The following GNG2 variants were observed in gnomAD, a reference collection of about 807,000 sequenced individuals.
The protein encoded by GNG2 is G protein subunit gamma 2.
A neutral mutation model predicts 5.5 loss-of-function variants in GNG2; 5 were observed. The observed-to-expected ratio is 0.91, with a 90% CI of 0.48 to 1.92. The LOEUF (loss-of-function observed/expected upper bound fraction) is 1.92, where lower values mean the gene tolerates loss of function less well. GNG2 is among the 30% of genes most tolerant of loss of function. The probability of loss-of-function intolerance (pLI) is 0.01; values close to 1 mark genes in which losing one functional copy is unlikely to be tolerated. For synonymous variants in GNG2, 28 were observed against 32.0 expected (o/e 0.88, Z 0.42); for missense variants, 55 against 88.4 (o/e 0.62, Z 1.52).
intron 2 of GNG2, among the ~76,000 whole-genome samples, chr14:51,925,610 T>C (rs940162529): frequency 3.3e-5 from 5 of 152,104 alleles, no homozygotes; most frequent in Admixed American, 3.3e-4. Flanking sequence ...ATTGAAGTCT[T>C]TTCTTTTATA....
chr14:51,946,727 C>T (rs78742879), intron 2 of GNG2, among the ~76,000 whole-genome samples: 1,776 of 152,286 alleles, frequency 0.012, 40 homozygotes, highest in African/African-American at 0.04. Context: ...ATTTTAGCTT[C>T]TGGCCTGTGG....
chr14:51,939,380 C>G (rs1007839557), intron 2 of GNG2, among the ~76,000 whole-genome samples: 2 of 152,172 alleles, frequency 1.3e-5, no homozygotes, highest in Non-Finnish European at 2.9e-5. Flanking sequence ...AAACAGCTAA[C>G]CAATGACCCT....
At chr14:51,923,209 T>C (rs1887118812) in intron 2 of GNG2, among the ~76,000 whole-genome samples, 1 of 152,176 alleles carries the variant, frequency 6.6e-6, no homozygotes, top group Non-Finnish European at 1.5e-5. Context: ...GTGTTGCCCT[T>C]TCTGTTGGAA....
intron 2 of GNG2, among the ~76,000 whole-genome samples, chr14:51,925,376 T>G (rs930288022): frequency 3.3e-5 from 5 of 152,242 alleles, no homozygotes; most frequent in Non-Finnish European, 7.3e-5. Flanking sequence ...TTTAAGTAAC[T>G]TGACCACTTA....
At chr14:51,918,608 A>G (rs1376919433) in intron 2 of GNG2, 2 of 151,518 alleles carry the variant, frequency 1.3e-5, no homozygotes, top group African/African-American at 4.9e-5. Flanking sequence ...AAAAAAATAA[A>G]CTAACTTATA....
intron 2 of GNG2, among the ~76,000 whole-genome samples, chr14:51,912,365 T>A (rs1289074806): frequency 1.3e-5 from 2 of 152,038 alleles, no homozygotes; most frequent in Non-Finnish European, 2.9e-5. Flanking sequence ...ACCCCCAAAA[T>A]CCCTTAATTC....
At chr14:51,844,077 C>T (rs759805880) in intron 2 of GNG2, among the ~76,000 whole-genome samples, 4 of 152,234 alleles carry the variant, frequency 2.6e-5, no homozygotes, top group Non-Finnish European at 4.4e-5. Context: ...CTGCTCCTTC[C>T]TACTTTGTTC....
At chr14:51,912,041 G>A (rs1157775211) in intron 2 of GNG2, among the ~76,000 whole-genome samples, 2 of 148,004 alleles carry the variant, frequency 1.4e-5, no homozygotes, top group African/African-American at 5.1e-5. Flanking sequence ...ATGTGGTGGT[G>A]TTATCATCCC....
intron 3 of GNG2, among the ~76,000 whole-genome samples, chr14:51,961,151 C>T (rs1323965514): frequency 6.6e-6 from 1 of 152,154 alleles, no homozygotes; most frequent in Non-Finnish European, 1.5e-5. Flanking sequence ...TGCCTATTGT[C>T]TAAAAGTTAA....
In GNG2 at chr14:51,874,311, G is replaced by A. The variant is rs538105489; in HGVS notation, c.-70-3306G>A. 2.0e-5 allele frequency among the ~76,000 whole-genome samples: 3 copies of A among 151,758 alleles called. No homozygotes were observed. The East Asian group carries it at 5.8e-4, about 29-fold the overall frequency. ...GTGGTGGTGGGCGCCTGTACTCCCA[G>A]CTACTTGGGAAGCTGAGGCAGGAGA... On this transcript the variant is annotated intron_variant, in intron 1 of 3. Transcript: ENST00000556766.
intron 2 of GNG2, among the ~76,000 whole-genome samples, chr14:51,944,591 C>T (rs112659656): frequency 6.6e-6 from 1 of 152,164 alleles, no homozygotes; most frequent in Non-Finnish European, 1.5e-5. Context: ...GATGGAAAAA[C>T]TGGATATCCA....
At chr14:51,953,315 A>G (rs906275168) in intron 3 of GNG2, among the ~76,000 whole-genome samples, 104 of 152,180 alleles carry the variant, frequency 6.8e-4, no homozygotes, top group African/African-American at 2.5e-3. Context: ...ATAGACAAAA[A>G]CATGATTCTT....
chr14:51,953,820 C>T (rs897924647), intron 3 of GNG2, among the ~76,000 whole-genome samples: 1 of 152,146 alleles, frequency 6.6e-6, no homozygotes, highest in South Asian at 2.1e-4. Flanking sequence ...ACCTACTTTC[C>T]ATACATGATC....
chr14:51,966,901 G>A lies in GNG2; in HGVS notation c.*214G>A. On this transcript the variant is annotated 3_prime_UTR_variant, in exon 4 of 4. Transcript: ENST00000556766. ...TTAAGAGATCTGATTCTGACGAACTGCCTGGAGGAGGGGAATATATAAAAA... is the reference window on the plus strand; with the variant it reads ...TTAAGAGATCTGATTCTGACGAACTACCTGGAGGAGGGGAATATATAAAAA... The A allele has an allele frequency of 2.9e-6, 1 of 340,258 alleles. No homozygotes were observed. The highest frequency in any genetic ancestry group is 6.8e-5 in the South Asian group (1 of 14,728). 21.1% of individuals were successfully genotyped at this position (340,258 alleles called of 1,614,324 possible).
At chr14:51,951,939 T>C in intron 3 of GNG2, 1 of 700,030 alleles carries the variant, frequency 1.4e-6, no homozygotes, top group Non-Finnish European at 2.6e-6. Flanking sequence ...ATCTGTGCGT[T>C]CCCAACACCC....
At chr14:51,885,966 T>G (rs2140150045) in intron 2 of GNG2, among the ~76,000 whole-genome samples, 1 of 152,306 alleles carries the variant, frequency 6.6e-6, no homozygotes, top group East Asian at 1.9e-4. Flanking sequence ...TTTATAGCAT[T>G]TTTCACTATA....
intron 2 of GNG2, among the ~76,000 whole-genome samples, chr14:51,836,195 C>G (rs2748131): frequency 0.9 from 136,803 of 151,804 alleles, 62,412 homozygotes; most frequent in Non-Finnish European, 0.98. Flanking sequence ...ATTCAGGAAG[C>G]GTCCACCCTC....
At chr14:51,856,848 A>T (rs768705338), upstream of GNG2, among the ~76,000 whole-genome samples, 5 of 152,222 alleles carry the variant, frequency 3.3e-5, no homozygotes, top group African/African-American at 9.6e-5. Context: ...CCATATAACA[A>T]ATATTCAGAA....
At chr14:51,827,549 T>A in intron 1 of GNG2, 1 of 585,052 alleles carries the variant, frequency 1.7e-6, no homozygotes, top group Admixed American at 3.1e-5. Flanking sequence ...GGAGTGGTAT[T>A]TTTTGATGTC....
Sources: allele counts gnomAD v4.1 joint callset (sites outside exome capture counted in the v4.1 genomes callset), GRCh38; gene constraint gnomAD v4.1.1; transcripts MANE v1.5; gene names NCBI Gene and HGNC (gene_info 2026-07-23, HGNC 2026-07-21).